Variants in SVIL observed in about 807,000 individuals in gnomAD.
SVIL encodes supervillin, also known as archvillin.
SVIL carries 101 observed loss-of-function variants against 240.4 expected under a neutral mutation model. That is an observed-to-expected ratio of 0.42 (90% CI 0.36 to 0.50). The LOEUF is 0.50. Among genes scored for constraint, SVIL ranks in the 20% least tolerant of loss-of-function variants. The probability of loss-of-function intolerance (pLI) is 0.01; values close to 1 mark genes in which losing one functional copy is unlikely to be tolerated. For missense variants in SVIL, 2,512 were observed against 2,818.7 expected, an observed-to-expected ratio of 0.89 and a Z score of 2.46; for synonymous variants, 999 against 1,100.0, an observed-to-expected ratio of 0.91 and a Z score of 1.82.
intron 2 of SVIL, among the ~76,000 whole-genome samples, chr10:29,566,600 A>C (rs12767247): frequency 2.0e-5 from 3 of 152,184 alleles, no homozygotes; most frequent in Non-Finnish European, 4.4e-5. Context: ...CCGATCATCA[A>C]TGAAAACACA....
intron 1 of SVIL, among the ~76,000 whole-genome samples, chr10:29,593,799 C>T (rs537229008): frequency 9.2e-5 from 14 of 152,160 alleles, no homozygotes; most frequent in Admixed American, 6.5e-4. Context: ...AAATGGACTG[C>T]GCCCAAGCCC....
At chr10:29,648,262 C>T (rs890887963) in intron 3 of SVIL, among the ~76,000 whole-genome samples, 1 of 152,206 alleles carries the variant, frequency 6.6e-6, no homozygotes, top group Non-Finnish European at 1.5e-5. Context: ...TGCTCATGCA[C>T]ACTCATCAGA....
intron 1 of SVIL, among the ~76,000 whole-genome samples, chr10:29,695,153 G>T (rs1961827673): frequency 6.6e-6 from 1 of 152,086 alleles, no homozygotes; most frequent in South Asian, 2.1e-4. Flanking sequence ...CCAACACTAG[G>T]GCTTCTGCAG....
At position 29,629,699 on chromosome 10, in the gene SVIL, C is replaced by T. The variant is rs962783415; in HGVS notation, c.-201+4721G>A. Among the ~76,000 whole-genome samples, 5 of 149,238 alleles carry T rather than the reference C, an allele frequency of 3.4e-5. 1 individual carries two copies. The highest frequency in any genetic ancestry group is 9.7e-5 in the African/African-American group (4 of 41,100). ...GGGGGCTACTGTAAAAATTAGAGTC[C>T]GGGCGTGGTGGCTCACACCTGTAAT... On this transcript the variant is annotated intron_variant, in intron 1 of 37. Transcript: ENST00000355867.
chr10:29,707,887 A>G (rs1963001823), intron 1 of SVIL, among the ~76,000 whole-genome samples: 1 of 152,290 alleles, frequency 6.6e-6, no homozygotes, highest in African/African-American at 2.4e-5. Context: ...GAACAGTCAC[A>G]TGGCTAGTAA....
intron 3 of SVIL, among the ~76,000 whole-genome samples, chr10:29,556,079 G>A (rs975620181): frequency 6.6e-6 from 1 of 152,174 alleles, no homozygotes; most frequent in Admixed American, 6.5e-5. Context: ...CAGAACAAAC[G>A]CTGTGCTGAG....
In SVIL at chr10:29,532,811, A is replaced by G. The variant is rs765947904; in HGVS notation, c.1556T>C (p.Ile519Thr). 1 of 1,614,026 alleles carries G rather than the reference A, an allele frequency of 6.2e-7. No individual in the cohort carries two copies. Reference protein sequence around the residue: ...RTGRSEMVLYIQSEPVSQDAK... With the variant: ...RTGRSEMVLYTQSEPVSQDAK... ...GTCTTGGGACACAGGCTCACTTTGAATGTAGAGAACCATCTCGCTCCTGCC... is the reference window on the plus strand; with the variant it reads ...GTCTTGGGACACAGGCTCACTTTGAGTGTAGAGAACCATCTCGCTCCTGCC... The change falls in exon 8 of 38, where the codon ATT becomes ACT. Residue 519 changes from isoleucine to threonine, a missense_variant. Transcript: ENST00000355867.
upstream of SVIL, among the ~76,000 whole-genome samples, chr10:29,636,928 A>G (rs1259386958): frequency 1.3e-5 from 2 of 152,040 alleles, no homozygotes; most frequent in African/African-American, 2.4e-5. Flanking sequence ...CAGCCTCCTG[A>G]ATATCTGGGG....
intron 1 of SVIL, among the ~76,000 whole-genome samples, chr10:29,600,393 C>A (rs1279999633): frequency 6.6e-6 from 1 of 152,088 alleles, no homozygotes; most frequent in Non-Finnish European, 1.5e-5. Context: ...CTTCCCATGC[C>A]CCTCACCACA....
intron 3 of SVIL, among the ~76,000 whole-genome samples, chr10:29,643,442 T>C (rs565102906): frequency 2.0e-5 from 3 of 152,286 alleles, no homozygotes; most frequent in African/African-American, 7.2e-5. Context: ...CCAAAAAGCT[T>C]AGGATTTTGA....
chr10:29,538,004 C>T (rs1168131937), intron 6 of SVIL, among the ~76,000 whole-genome samples: 1 of 152,164 alleles, frequency 6.6e-6, no homozygotes, highest in Non-Finnish European at 1.5e-5. Context: ...AAGAGTTTGG[C>T]GCATCGCCTG....
At chr10:29,528,888 A>T (rs891175336) in intron 12 of SVIL, among the ~76,000 whole-genome samples, 2 of 152,122 alleles carry the variant, frequency 1.3e-5, no homozygotes, top group Non-Finnish European at 2.9e-5. Flanking sequence ...AAGTTATCAA[A>T]CTGCAATTTA....
chr10:29,736,834 A>G (rs1467834528), upstream of SVIL: 1 of 151,526 alleles, frequency 6.6e-6, no homozygotes, highest in African/African-American at 2.4e-5. Context: ...GCCCCGGGAA[A>G]GTCGGCCAGG....
chr10:29,528,503 C>A (rs1479284475), intron 12 of SVIL, among the ~76,000 whole-genome samples: 41 of 152,158 alleles, frequency 2.7e-4, no homozygotes, highest in Non-Finnish European at 8.8e-5. Context: ...CTTTGGGAGG[C>A]TGAGGTGGGA....
chr10:29,569,896 C>A (rs1449564376), intron 1 of SVIL, among the ~76,000 whole-genome samples: 1 of 152,192 alleles, frequency 6.6e-6, no homozygotes, highest in Non-Finnish European at 1.5e-5. Context: ...CAATTCTATA[C>A]AGGAAAAACA....
chr10:29,500,339 G>T (rs1303546719), intron 17 of SVIL, among the ~76,000 whole-genome samples: 2 of 152,174 alleles, frequency 1.3e-5, no homozygotes, highest in Non-Finnish European at 2.9e-5. Flanking sequence ...CACTGGGCTG[G>T]GTGGGGAGCG....
At chr10:29,481,133 G>GGTGGGT (rs1554815337) in intron 28 of SVIL, among the ~76,000 whole-genome samples, 1 of 141,324 alleles carries the variant, frequency 7.1e-6, no homozygotes, top group Non-Finnish European at 1.5e-5. Context: ...TAGCTTTAAG[G>GGTGGGT]GTGTGTGTGT....
chr10:29,711,123 A>C (rs889360068), intron 1 of SVIL, among the ~76,000 whole-genome samples: 3 of 146,664 alleles, frequency 2.0e-5, no homozygotes, highest in Non-Finnish European at 4.7e-5. Context: ...CAAGGGGGCC[A>C]GAATGGCGAC....
At chr10:29,564,554 T>C (rs775768036) in intron 2 of SVIL, among the ~76,000 whole-genome samples, 2 of 152,242 alleles carry the variant, frequency 1.3e-5, no homozygotes, top group South Asian at 2.1e-4. Context: ...TGCATTTCCA[T>C]AGAGGCCAAG....
Sources: allele counts gnomAD v4.1 joint callset (sites outside exome capture counted in the v4.1 genomes callset), GRCh38; gene constraint gnomAD v4.1.1; transcripts MANE v1.5; gene names NCBI Gene and HGNC (gene_info 2026-07-23, HGNC 2026-07-21).